ARAP1: variants seen among roughly 807,000 people sequenced by gnomAD.
The protein encoded by ARAP1 is arf-GAP with Rho-GAP domain, ANK repeat and PH domain-containing protein 1.
Under a neutral mutation model 172.2 loss-of-function variants are expected in ARAP1, and 76 were observed. The ratio of observed to expected loss-of-function variants is 0.44; its 90% CI spans 0.37 to 0.53. The LOEUF is 0.53. ARAP1 is among the 20% of genes least tolerant of loss of function. The pLI is 0.00. For synonymous variants in ARAP1, 804 were observed against 803.3 expected (o/e 1.00, Z -0.01); for missense variants, 1,686 against 1,977.5 (o/e 0.85, Z 2.80).
intron 1 of ARAP1, among the ~76,000 whole-genome samples, chr11:72,733,743 AGGT>A (rs1857933281): frequency 6.6e-6 from 1 of 152,242 alleles, no homozygotes; most frequent in South Asian, 2.1e-4. Flanking sequence ...ACACATAAAC[AGGT>A]ATTTATCTTA....
Position 72,699,218 on chromosome 11 carries a change from T to C in ARAP1, c.2439-111A>G. The C allele has an allele frequency of 7.0e-7, 1 of 1,423,588 alleles. No individual in the cohort carries two copies. Among genetic ancestry groups the C allele is most frequent in the Non-Finnish European group, 9.7e-7 (1 of 1,027,892 alleles). 88.2% of individuals were successfully genotyped at this position (1,423,588 alleles called of 1,614,324 possible). A position where few individuals can be genotyped will look rare whatever the true frequency, so the allele number is the denominator to read the frequency against. ...CCCCTCCGCACTGCCTTGGCGCTTG[T>C]CCTTATTCTGGTCCCCTAAGAGGTG... On this transcript the variant is annotated intron_variant, in intron 17 of 34. Transcript: ENST00000393609. The surrounding 1 kb of genome is among the most constrained non-coding windows in gnomAD (Gnocchi z 4.2).
At chr11:72,749,277 A>T (rs1296038859) in intron 1 of ARAP1, among the ~76,000 whole-genome samples, 1 of 151,830 alleles carries the variant, frequency 6.6e-6, no homozygotes, top group Admixed American at 6.6e-5. Context: ...TCTCTCTACC[A>T]CCCTCCCAAT....
Position 72,741,721 on chromosome 11 carries a change from G to A in ARAP1, c.-127-9124C>T, listed in dbSNP as rs1323986269. 6.6e-6 allele frequency among the ~76,000 whole-genome samples: 1 copy of A among 152,190 alleles called. No homozygotes were observed. Among genetic ancestry groups the A allele is most frequent in the African/African-American group, 2.4e-5 (1 of 41,432 alleles). On this transcript the variant is annotated intron_variant, in intron 1 of 34. Coordinates refer to ENST00000393609, the MANE Select transcript of ARAP1 (RefSeq NM_001040118.3). The surrounding 1 kb of genome is among the most constrained non-coding windows in gnomAD (Gnocchi z 4.5). ...AGGGCTGACCACAGAATCACAGGCA[G>A]CGGGAGTGGACAGACCCAGTGACAC...
intron 2 of ARAP1, among the ~76,000 whole-genome samples, chr11:72,730,740 T>C (rs949285965): frequency 4.4e-4 from 67 of 152,186 alleles, no homozygotes; most frequent in African/African-American, 1.5e-3. Flanking sequence ...CAGCCACCCA[T>C]AGGCACTTAG....
Position 72,699,656 on chromosome 11 carries a change from T to C in ARAP1, c.2303-104A>G. The C allele has an allele frequency of 7.0e-7, 1 of 1,438,046 alleles. No homozygotes were observed. Among genetic ancestry groups the C allele is most frequent in the Non-Finnish European group, 9.3e-7 (1 of 1,073,526 alleles). The allele number at this position is 1,438,046 out of a possible 1,614,324, so 89.1% of individuals were successfully genotyped here. On this transcript the variant is annotated intron_variant, in intron 16 of 34. Transcript: ENST00000393609. The surrounding 1 kb of genome is among the most constrained non-coding windows in gnomAD (Gnocchi z 4.2). ...CTGCTCCCATCTGACCCATGAGCTC[T>C]TCATTCTCTCAAGTTTTCCCTAAAT... is the stretch of plus-strand genomic sequence containing the variant.
chr11:72,726,988 C>CTG lies in ARAP1; in HGVS notation c.140_141insCA (p.Met47IlefsTer39). 1 of 1,605,434 alleles carries CTG rather than the reference C, an allele frequency of 6.2e-7. No homozygotes were observed. The highest frequency in any genetic ancestry group is 8.5e-7 in the Non-Finnish European group (1 of 1,176,362). On this transcript the variant is annotated frameshift_variant, in exon 3 of 35. Transcript: ENST00000393609. LOFTEE classifies it high-confidence loss of function. The surrounding 1 kb of genome is among the most constrained non-coding windows in gnomAD (Gnocchi z 6.5). ...GACCAGGGAGTAGCATGCCCATGTC[C>CTG]ATCAGGCGGGTGTCGCTGAGGCCTT...
At position 72,699,724 on chromosome 11, in the gene ARAP1, A is replaced by G. The variant is rs1057277390; in HGVS notation, c.2303-172T>C. On this transcript the variant is annotated intron_variant, in intron 16 of 34. Coordinates refer to ENST00000393609, the MANE Select transcript of ARAP1 (RefSeq NM_001040118.3). The surrounding 1 kb of genome is among the most constrained non-coding windows in gnomAD (Gnocchi z 4.2). ...TCCCCACCACGCTAGCCAGCCCACA[A>G]GTCATCCGCTCCCCCAGGCCTCTGC... is the stretch of plus-strand genomic sequence containing the variant. 6.6e-6 allele frequency among the ~76,000 whole-genome samples: 1 copy of G among 152,092 alleles called. No individual in the cohort carries two copies. The highest frequency in any genetic ancestry group is 2.4e-5 in the African/African-American group (1 of 41,416).
At chr11:72,745,246 TG>T (rs1858323065) in intron 1 of ARAP1, among the ~76,000 whole-genome samples, 1 of 143,090 alleles carries the variant, frequency 7.0e-6, no homozygotes, top group Non-Finnish European at 1.5e-5. Context: ...TGGAGTGCAG[TG>T]GCTCGATCTC....
chr11:72,721,621 C>T (rs1857514518), intron 3 of ARAP1, among the ~76,000 whole-genome samples: 1 of 151,672 alleles, frequency 6.6e-6, no homozygotes, highest in African/African-American at 2.4e-5. Context: ...ACCTAGAAAG[C>T]CCAGGGAAGA....
At chr11:72,688,262 G>C (rs757177296) in intron 31 of ARAP1, among the ~76,000 whole-genome samples, 193 bp downstream of exon 31, 1 of 152,164 alleles carries the variant, frequency 6.6e-6, no homozygotes, top group Non-Finnish European at 1.5e-5. Flanking sequence ...TGAGATTACA[G>C]ATATGAGCCA....
At chr11:72,712,605 C>T (rs1330050537) in intron 5 of ARAP1, 37 bp from the exon 6 acceptor site, 1 of 1,608,952 alleles carries the variant, frequency 6.2e-7, no homozygotes, top group South Asian at 1.1e-5. Context: ...TCCTTCCCTT[C>T]AAGCCACAGA....
chr11:72,736,198 C>CT (rs1332308576), intron 1 of ARAP1, among the ~76,000 whole-genome samples: 7 of 147,976 alleles, frequency 4.7e-5, no homozygotes, highest in Admixed American at 4.7e-4. Flanking sequence ...GAATACTGAC[C>CT]TTTTTAAAAT....
At chr11:72,696,893 A>C in intron 22 of ARAP1, 90 bp downstream of exon 22, 1 of 1,347,774 alleles carries the variant, frequency 7.4e-7, no homozygotes, top group Non-Finnish European at 1.0e-6. Flanking sequence ...GGTTAGGGTA[A>C]GCCTAGTGCA....
intron 1 of ARAP1, among the ~76,000 whole-genome samples, chr11:72,740,676 G>A (rs191157589): frequency 1.6e-4 from 25 of 152,086 alleles, no homozygotes; most frequent in African/African-American, 2.7e-4. Flanking sequence ...CCCTGCCCCC[G>A]ACTTACCCTC....
intron 3 of ARAP1, among the ~76,000 whole-genome samples, chr11:72,724,647 T>C (rs979076848): frequency 6.6e-6 from 1 of 152,118 alleles, no homozygotes; most frequent in African/African-American, 2.4e-5. Context: ...TTGAAGACCA[T>C]ACACTCTCTG....
Position 72,726,991 on chromosome 11 carries a change from C to CGCTG in ARAP1, c.137_138insCAGC (p.Met47SerfsTer64). The CGCTG allele has an allele frequency of 6.2e-7, 1 of 1,605,622 alleles. No individual in the cohort carries two copies. Among genetic ancestry groups the CGCTG allele is most frequent in the Non-Finnish European group, 8.5e-7 (1 of 1,176,376 alleles). On this transcript the variant is annotated frameshift_variant, in exon 3 of 35. Coordinates refer to ENST00000393609, the MANE Select transcript of ARAP1 (RefSeq NM_001040118.3). LOFTEE classifies it high-confidence loss of function. This position sits in a 1 kb window ranked among gnomAD's most constrained non-coding sequence, Gnocchi z 6.5. Reference sequence around the variant, plus strand: ...CAGGGAGTAGCATGCCCATGTCCATCAGGCGGGTGTCGCTGAGGCCTTGGC... The same window carrying CGCTG: ...CAGGGAGTAGCATGCCCATGTCCATCGCTGAGGCGGGTGTCGCTGAGGCCTTGGC...
At chr11:72,728,135 G>A (rs569811872) in intron 2 of ARAP1, among the ~76,000 whole-genome samples, 4 of 152,156 alleles carry the variant, frequency 2.6e-5, no homozygotes, top group South Asian at 4.2e-4. Flanking sequence ...TGAAAGCTCT[G>A]GACAACAAAA....
intron 1 of ARAP1, among the ~76,000 whole-genome samples, chr11:72,740,510 G>A (rs1283901340): frequency 1.3e-5 from 2 of 152,148 alleles, no homozygotes; most frequent in Non-Finnish European, 2.9e-5. Context: ...TTACAATTGA[G>A]TTTGTTCCAG....
rs369960692 is a variant in ARAP1 at position 72,712,392 on chromosome 11, G to A, written c.878+46C>T. Reference sequence around the variant, plus strand: ...CGGGCTGAGGAGGCAAGGAGGGGGCGGGCTGAGGTTGGGCTCAGTGGGAAG... The same window carrying A: ...CGGGCTGAGGAGGCAAGGAGGGGGCAGGCTGAGGTTGGGCTCAGTGGGAAG... On this transcript the variant is annotated intron_variant, in intron 6 of 34. Transcript: ENST00000393609. The A allele has an allele frequency of 5.4e-5, 83 of 1,541,538 alleles. No homozygotes were observed. The Admixed American group carries it at 7.1e-4, about 13-fold the overall frequency.
Sources: allele counts gnomAD v4.1 joint callset (sites outside exome capture counted in the v4.1 genomes callset), GRCh38; gene constraint gnomAD v4.1.1; non-coding constraint Gnocchi (gnomAD v3.1); transcripts MANE v1.5; gene names NCBI Gene and HGNC (gene_info 2026-07-23, HGNC 2026-07-21).